HDGFL3: variants seen among roughly 807,000 people sequenced by gnomAD.
The protein encoded by HDGFL3 is hepatoma-derived growth factor-related protein 3.
In HDGFL3, 6 loss-of-function variants were observed where a neutral mutation model predicts 27.6. The observed-to-expected ratio is 0.22, with a 90% confidence interval of 0.12 to 0.43. The LOEUF is 0.43. Ranked by LOEUF, HDGFL3 falls within the 20% of genes least tolerant of loss-of-function variation. The pLI is 1.00. For synonymous variants in HDGFL3, 88 were observed against 88.9 expected, an observed-to-expected ratio of 0.99 and a Z score of 0.05; for missense variants, 207 against 250.1, an observed-to-expected ratio of 0.83 and a Z score of 1.16.
At chr15:83,118,431 G>C (rs1327368852) in intron 3 of HDGFL3, among the ~76,000 whole-genome samples, 1 of 152,216 alleles carries the variant, frequency 6.6e-6, no homozygotes, top group Non-Finnish European at 1.5e-5. Context: ...CAGAGAGCCA[G>C]GTGTGTTAGC....
rs1255771839 is a variant in HDGFL3 at position 83,151,474 on chromosome 15, G to A, written c.460-113C>T. ...TATCTAGTTTTAGTGGTTGATAGAG[G>A]ATATACTGACACAACATGTAGTATG... On this transcript the variant is annotated intron_variant, in intron 4 of 5. Transcript: ENST00000299633. 3.6e-6 allele frequency: 3 copies of A among 838,658 alleles called. No homozygotes were observed. In the African/African-American group the frequency reaches 5.2e-5, roughly 14 times the overall value. The allele number at this position is 838,658 out of a possible 1,614,324, so 52.0% of individuals were successfully genotyped here.
downstream of HDGFL3, chr15:83,127,532 G>A: frequency 6.3e-7 from 1 of 1,596,196 alleles, no homozygotes; most frequent in Non-Finnish European, 8.5e-7. Flanking sequence ...GTCAATTGTT[G>A]AATATATGAA....
downstream of HDGFL3, among the ~76,000 whole-genome samples, chr15:83,125,571 G>T (rs1051083710): frequency 6.6e-6 from 1 of 152,162 alleles, no homozygotes; most frequent in Admixed American, 6.5e-5. Context: ...ATTACTGTTA[G>T]GATTTTTATT....
chr15:83,147,153 C>T lies in HDGFL3; in HGVS notation c.606+4062G>A, dbSNP rs192514337. ...TCTCAGCTCACTGCAACCTCCACCT[C>T]CCGGGTTCAAGTGACTTTAGTGCCT... On this transcript the variant is annotated intron_variant, in intron 5 of 5. Coordinates refer to ENST00000299633, the MANE Select transcript of HDGFL3 (RefSeq NM_016073.4). Among the ~76,000 whole-genome samples the T allele has an allele frequency of 9.9e-5, 15 of 152,178 alleles. No homozygotes were observed. In the East Asian group the frequency reaches 2.9e-3, roughly 29 times the overall value.
chr15:83,136,393 G>C lies in HDGFL3; in HGVS notation c.*2877C>G. 8.5e-7 allele frequency: 1 copy of C among 1,175,714 alleles called. No homozygotes were observed. The allele number at this position is 1,175,714 out of a possible 1,614,324, so 72.8% of individuals were successfully genotyped here. On this transcript the variant is annotated 3_prime_UTR_variant, in exon 6 of 6. Coordinates refer to ENST00000299633, the MANE Select transcript of HDGFL3 (RefSeq NM_016073.4). ...AGACTGGTTTTGAGGGCACAGAAAC[G>C]TAGCCTGAATGAACCATTCAGAACT...
At chr15:83,184,634 G>A (rs1042952434) in intron 1 of HDGFL3, 7 of 151,422 alleles carry the variant, frequency 4.6e-5, no homozygotes, top group East Asian at 3.9e-4. Flanking sequence ...TCTTTCCTCC[G>A]TCTTCTCTAC....
At chr15:83,188,612 T>C (rs530499620) in intron 1 of HDGFL3, among the ~76,000 whole-genome samples, 1 of 152,310 alleles carries the variant, frequency 6.6e-6, no homozygotes, top group African/African-American at 2.4e-5. Context: ...ATGTAATGTA[T>C]CCATTGACGT....
chr15:83,154,886 T>G (rs890071078), intron 4 of HDGFL3, among the ~76,000 whole-genome samples: 1 of 152,198 alleles, frequency 6.6e-6, no homozygotes, highest in African/African-American at 2.4e-5. Flanking sequence ...TCCCCCCTTT[T>G]GAGACAGGGT....
chr15:83,166,096 C>A (rs1233974794), intron 1 of HDGFL3, among the ~76,000 whole-genome samples: 2 of 152,020 alleles, frequency 1.3e-5, no homozygotes, highest in African/African-American at 4.8e-5. Context: ...TGCAAGAAAT[C>A]CAGAGAATAC....
chr15:83,161,192 T>C (rs2037097348), intron 2 of HDGFL3, among the ~76,000 whole-genome samples: 2 of 152,216 alleles, frequency 1.3e-5, no homozygotes. Context: ...TACTTGATGC[T>C]AATCAGGGCT....
In HDGFL3 at chr15:83,131,643, GAA is replaced by G. The variant is rs908607909; in HGVS notation, c.*7625_*7626del. On this transcript the variant is annotated 3_prime_UTR_variant, in exon 6 of 6. Transcript: ENST00000299633. ...GCAAGACTGTCTCAAAAAAAAGAAAGAAAAAAGAGTGAGTAGTTATTGGGGCC... is the reference window on the plus strand; with the variant it reads ...GCAAGACTGTCTCAAAAAAAAGAAAGAAAAGAGTGAGTAGTTATTGGGGCC... The G allele has an allele frequency of 6.6e-6, 1 of 152,108 alleles. No homozygotes were observed. Among genetic ancestry groups the G allele is most frequent in the Admixed American group, 6.6e-5 (1 of 15,250 alleles). The allele number at this position is 152,108 out of a possible 1,614,324, so 9.4% of individuals were successfully genotyped here.
At chr15:83,205,972 G>C (rs2037710673) in intron 1 of HDGFL3, among the ~76,000 whole-genome samples, 1 of 152,204 alleles carries the variant, frequency 6.6e-6, no homozygotes, top group Non-Finnish European at 1.5e-5. Flanking sequence ...ATCTGAGGTT[G>C]TTAGTGTTGG....
chr15:83,121,295 T>A (rs892256292), intron 3 of HDGFL3, among the ~76,000 whole-genome samples: 1 of 151,716 alleles, frequency 6.6e-6, no homozygotes, highest in African/African-American at 2.4e-5. Flanking sequence ...TTGGCCAGGC[T>A]GGTTTCAAAC....
intron 1 of HDGFL3, among the ~76,000 whole-genome samples, chr15:83,194,628 T>C (rs534770008): frequency 6.6e-6 from 1 of 152,298 alleles, no homozygotes; most frequent in South Asian, 2.1e-4. Context: ...CAAGTCTGGT[T>C]TTCACCTTTT....
chr15:83,203,205 T>C (rs2037671447), intron 1 of HDGFL3, among the ~76,000 whole-genome samples: 1 of 152,086 alleles, frequency 6.6e-6, no homozygotes, highest in African/African-American at 2.4e-5. Flanking sequence ...TCTGACCTTT[T>C]AGAGTAGGGG....
At chr15:83,127,699 G>T (rs2035890810), downstream of HDGFL3, 2 of 430,242 alleles carry the variant, frequency 4.6e-6, no homozygotes, top group East Asian at 1.0e-4. Flanking sequence ...AGATGAGGAA[G>T]TTATCTGTGG....
At chr15:83,140,103 T>G (rs1188252777) in intron 5 of HDGFL3, among the ~76,000 whole-genome samples, 1 of 152,136 alleles carries the variant, frequency 6.6e-6, no homozygotes, top group South Asian at 2.1e-4. Flanking sequence ...TGAATGAACA[T>G]GTTTGTAAGC....
intron 1 of HDGFL3, among the ~76,000 whole-genome samples, chr15:83,192,047 T>C (rs980520093): frequency 6.8e-6 from 1 of 147,342 alleles, no homozygotes; most frequent in African/African-American, 2.5e-5. Flanking sequence ...GTTCAAGCAA[T>C]TCTCCTGCCT....
chr15:83,196,100 T>C (rs1324123552), intron 1 of HDGFL3, among the ~76,000 whole-genome samples: 1 of 151,866 alleles, frequency 6.6e-6, no homozygotes, highest in East Asian at 1.9e-4. Context: ...AATAGATATG[T>C]TAGATTTATA....
Sources: gnomAD v4.1 joint callset for allele counts (sites outside exome capture counted in the v4.1 genomes callset) on GRCh38, gnomAD v4.1.1 for gene constraint, MANE v1.5 for transcripts, NCBI Gene and HGNC (gene_info 2026-07-23, HGNC 2026-07-21) for gene names.